CDH13: variants seen among roughly 807,000 people sequenced by gnomAD.
CDH13 encodes cadherin 13, also known as cadherin-13.
A neutral mutation model predicts 63.8 loss-of-function variants in CDH13; 24 were observed. The ratio of observed to expected loss-of-function variants is 0.38; its 90% confidence interval spans 0.27 to 0.53. CDH13 has a LOEUF of 0.53. Among genes scored for constraint, CDH13 ranks in the 20% least tolerant of loss-of-function variants. CDH13 has a pLI of 0.85. For missense variants in CDH13, 1,049 were observed against 903.1 expected (o/e 1.16, Z -2.07); for synonymous variants, 503 against 355.3 (o/e 1.42, Z -4.67).
chr16:83,191,530 C>CATATATATATATATATAT (rs71376303), intron 4 of CDH13, among the ~76,000 whole-genome samples: 23 of 74,362 alleles, frequency 3.1e-4, no homozygotes, highest in Non-Finnish European at 5.3e-4. Flanking sequence ...CACACACACA[C>CATATATATATATATATAT]ATATATATAT....
At chr16:83,477,387 G>C (rs552473974) in intron 6 of CDH13, among the ~76,000 whole-genome samples, 1 of 152,320 alleles carries the variant, frequency 6.6e-6, no homozygotes, top group African/African-American at 2.4e-5. Flanking sequence ...AATTTCAGCT[G>C]CATGGAGACA....
chr16:82,744,240 G>A (rs149189572), intron 1 of CDH13, among the ~76,000 whole-genome samples: 55 of 152,326 alleles, frequency 3.6e-4, no homozygotes, highest in African/African-American at 1.1e-3. Flanking sequence ...AGTCCAAAGC[G>A]AAGCAAGAGG....
At chr16:83,783,860 A>G (rs1915698797) in intron 13 of CDH13, among the ~76,000 whole-genome samples, 1 of 152,214 alleles carries the variant, frequency 6.6e-6, no homozygotes, top group Non-Finnish European at 1.5e-5. Context: ...GTTAAAACAG[A>G]TATTATGAGA....
intron 7 of CDH13, among the ~76,000 whole-genome samples, chr16:83,561,746 G>C (rs188788488): frequency 1.1e-3 from 169 of 152,228 alleles, no homozygotes; most frequent in Non-Finnish European, 1.1e-3. Flanking sequence ...ATTGTTCATG[G>C]TATATGCGGA....
At chr16:83,236,424 C>G (rs888314265) in intron 5 of CDH13, among the ~76,000 whole-genome samples, 4 of 152,176 alleles carry the variant, frequency 2.6e-5, no homozygotes, top group African/African-American at 9.7e-5. Context: ...GAAAGAAAAG[C>G]TCTTAATAAC....
At chr16:83,602,049 C>T (rs1456297936) in intron 7 of CDH13, among the ~76,000 whole-genome samples, 3 of 127,832 alleles carry the variant, frequency 2.3e-5, no homozygotes, top group Non-Finnish European at 3.1e-5. Context: ...GCCGAGATTG[C>T]GCCACTGTAC....
chr16:82,634,257 G>C (rs184676269), intron 1 of CDH13, among the ~76,000 whole-genome samples: 1 of 152,206 alleles, frequency 6.6e-6, no homozygotes, highest in African/African-American at 2.4e-5. Context: ...CTTGCCTTAC[G>C]GGGCCTTCAG....
chr16:82,933,184 G>T (rs910645939), intron 2 of CDH13, among the ~76,000 whole-genome samples: 2 of 152,106 alleles, frequency 1.3e-5, no homozygotes, highest in African/African-American at 4.8e-5. Context: ...CATTTATAAA[G>T]AAAAGAGGTT....
chr16:82,653,023 C>T (rs1910908181), intron 1 of CDH13, among the ~76,000 whole-genome samples: 2 of 152,114 alleles, frequency 1.3e-5, no homozygotes, highest in African/African-American at 4.8e-5. Flanking sequence ...GTCCGTGACC[C>T]CAGGATGTTG....
chr16:83,033,373 G>A (rs1916554288), intron 3 of CDH13, among the ~76,000 whole-genome samples: 1 of 151,972 alleles, frequency 6.6e-6, no homozygotes, highest in East Asian at 1.9e-4. Context: ...AGGTATCTCA[G>A]AGATAAGCTG....
intron 1 of CDH13, among the ~76,000 whole-genome samples, chr16:82,662,402 G>A (rs1022569085): frequency 4.6e-5 from 7 of 152,200 alleles, no homozygotes; most frequent in African/African-American, 1.7e-4. Context: ...ATGTGTTACT[G>A]TTGTAATTAA....
chr16:83,107,735 T>G (rs761953786), intron 3 of CDH13, among the ~76,000 whole-genome samples: 173 of 106,656 alleles, frequency 1.6e-3, no homozygotes, highest in African/African-American at 6.5e-3. Flanking sequence ...TTTAGGTGGG[T>G]TTTTTTTTTT....
intron 5 of CDH13, among the ~76,000 whole-genome samples, chr16:83,308,724 C>T (rs1003278411): frequency 5.9e-5 from 9 of 152,176 alleles, no homozygotes; most frequent in South Asian, 2.1e-4. Context: ...CTCCCCTCAC[C>T]GCCGTCTCCA....
Position 83,364,456 on chromosome 16 carries a change from A to G in CDH13, c.781+19450A>G, listed in dbSNP as rs140084478. Reference sequence around the variant, plus strand: ...AAGGAGTTCTCATTTACAGATAAGGACCTGAACCTAGTACACAGGAAACTT... The same window carrying G: ...AAGGAGTTCTCATTTACAGATAAGGGCCTGAACCTAGTACACAGGAAACTT... On this transcript the variant is annotated intron_variant, in intron 6 of 13. Transcript: ENST00000567109. 2.3e-3 allele frequency among the ~76,000 whole-genome samples: 347 copies of G among 152,304 alleles called. 2 individuals carry two copies. The highest frequency in any genetic ancestry group is 6.2e-3 in the African/African-American group (257 of 41,574).
intron 2 of CDH13, among the ~76,000 whole-genome samples, chr16:83,019,079 T>G (rs764420558): frequency 6.6e-6 from 1 of 152,232 alleles, no homozygotes; most frequent in Non-Finnish European, 1.5e-5. Context: ...GCTTTCTTTC[T>G]TCAATCATAA....
At chr16:83,102,800 T>C (rs2034548155) in intron 3 of CDH13, among the ~76,000 whole-genome samples, 2 of 151,918 alleles carry the variant, frequency 1.3e-5, no homozygotes, top group African/African-American at 2.4e-5. Context: ...AATAGTTATA[T>C]TGTGAATGTA....
chr16:83,462,307 G>C (rs967039327), intron 6 of CDH13, among the ~76,000 whole-genome samples: 5 of 152,248 alleles, frequency 3.3e-5, no homozygotes, highest in Non-Finnish European at 5.9e-5. Context: ...ACTTGGGTTC[G>C]AGAGTTTCAC....
intron 5 of CDH13, among the ~76,000 whole-genome samples, chr16:83,220,466 C>A (rs1253391724): frequency 6.6e-6 from 1 of 152,076 alleles, no homozygotes; most frequent in Non-Finnish European, 1.5e-5. Context: ...CCTGGGTCTC[C>A]AAATCCTCAC....
intron 6 of CDH13, among the ~76,000 whole-genome samples, chr16:83,405,545 T>C (rs74032059): frequency 0.099 from 15,012 of 152,182 alleles, 1,051 homozygotes; most frequent in African/African-American, 0.2. Flanking sequence ...CTCATGTCAC[T>C]AGAAGGAATG....
Sources: gnomAD v4.1 joint callset for allele counts (sites outside exome capture counted in the v4.1 genomes callset) on GRCh38, gnomAD v4.1.1 for gene constraint, MANE v1.5 for transcripts, NCBI Gene and HGNC (gene_info 2026-07-23, HGNC 2026-07-21) for gene names.